AFP: variants seen among roughly 807,000 people sequenced by gnomAD.
AFP encodes alpha-fetoprotein.
A neutral mutation model predicts 78.9 loss-of-function variants in AFP; 64 were observed. The ratio of observed to expected loss-of-function variants is 0.81; its 90% CI spans 0.66 to 1.00. The LOEUF is 1.00. Ranked by LOEUF, AFP falls within the 50% of genes least tolerant of loss-of-function variation. The probability of loss-of-function intolerance (pLI) is 0.00; values close to 1 mark genes in which losing one functional copy is unlikely to be tolerated. For missense variants in AFP, 689 were observed against 703.8 expected, an observed-to-expected ratio of 0.98 and a Z score of 0.24; for synonymous variants, 254 against 243.8, an observed-to-expected ratio of 1.04 and a Z score of -0.39.
At chr4:73,438,022 G>C in intron 2 of AFP, 152 bp from the exon 3 acceptor site, 1 of 1,117,920 alleles carries the variant, frequency 8.9e-7, no homozygotes, top group Non-Finnish European at 1.3e-6. Context: ...CAGATGACCT[G>C]GAAGCTAATT....
chr4:73,444,082 G>C (rs927336423), intron 6 of AFP, among the ~76,000 whole-genome samples: 5 of 152,188 alleles, frequency 3.3e-5, no homozygotes, highest in Middle Eastern at 3.5e-3. Context: ...TTTGATTGCT[G>C]TTTGGTTAAA....
At chr4:73,450,533 T>G (rs757067689) in intron 10 of AFP, 82 bp from the exon 11 acceptor site, 3 of 1,594,914 alleles carry the variant, frequency 1.9e-6, no homozygotes, top group Non-Finnish European at 2.6e-6. Context: ...GGCATGAGAG[T>G]AGAGAGTCTG....
intron 10 of AFP, 88 bp from the exon 11 acceptor site, chr4:73,450,527 T>G: frequency 1.1e-4 from 175 of 1,584,712 alleles, no homozygotes; most frequent in Non-Finnish European, 1.4e-4. Context: ...TCTTCTGGCA[T>G]GAGAGTAGAG....
intron 5 of AFP, among the ~76,000 whole-genome samples, chr4:73,442,770 TGAA>T (rs71655749): frequency 0.46 from 69,730 of 151,328 alleles, 16,298 homozygotes; most frequent in Admixed American, 0.54. Context: ...AGAGAAAAAA[TGAA>T]GAACTATGAT....
At position 73,447,384 on chromosome 4, in the gene AFP, C is replaced by A. The variant is rs1024323006; in HGVS notation, c.844-78C>A. The A allele has an allele frequency of 4.4e-6, 5 of 1,131,980 alleles. No homozygotes were observed. The African/African-American group carries it at 8.0e-5, about 18-fold the overall frequency. 70.1% of individuals were successfully genotyped at this position (1,131,980 alleles called of 1,614,324 possible). On this transcript the variant is annotated intron_variant, in intron 7 of 14. Coordinates refer to ENST00000395792, the MANE Select transcript of AFP (RefSeq NM_001134.3). ...CCTTCTCCCTCCCTCCCCTTTCTTC[C>A]TTTTTCTAAAGCTGGCTTTGAGATC...
chr4:73,450,484 C>T (rs925883341), intron 10 of AFP, 131 bp from the exon 11 acceptor site: 6 of 1,340,548 alleles, frequency 4.5e-6, no homozygotes, highest in Non-Finnish European at 6.3e-6. Flanking sequence ...GGTTCAAATA[C>T]CATGTAGATG....
chr4:73,446,015 T>A (rs1274601408), intron 7 of AFP, among the ~76,000 whole-genome samples: 1 of 152,186 alleles, frequency 6.6e-6, no homozygotes, highest in Non-Finnish European at 1.5e-5. Context: ...TAACCAGCAC[T>A]GGACTATGGT....
intron 11 of AFP, 106 bp from the exon 12 acceptor site, chr4:73,452,295 A>G: frequency 2.3e-6 from 2 of 860,822 alleles, no homozygotes; most frequent in Admixed American, 2.0e-5. Context: ...TATTAATTAT[A>G]AATTGCTGGG....
At chr4:73,453,598 G>T in intron 12 of AFP, 167 bp from the exon 13 acceptor site, 1 of 751,106 alleles carries the variant, frequency 1.3e-6, no homozygotes, top group Non-Finnish European at 2.2e-6. Context: ...CATGCTTTCA[G>T]CCTCAATCTT....
chr4:73,442,856 A>G (rs1719710517), intron 5 of AFP, among the ~76,000 whole-genome samples: 3 of 152,160 alleles, frequency 2.0e-5, no homozygotes, highest in African/African-American at 7.2e-5. Context: ...TCCTTTAACA[A>G]ACTAGGAAAG....
chr4:73,455,343 C>A, intron 14 of AFP, 53 bp downstream of exon 14: 1 of 1,384,384 alleles, frequency 7.2e-7, no homozygotes, highest in Non-Finnish European at 1.0e-6. Flanking sequence ...CCAGAAATAT[C>A]AATCCATAAT....
intron 6 of AFP, 117 bp downstream of exon 6, chr4:73,443,561 C>G: frequency 2.6e-6 from 2 of 758,678 alleles, no homozygotes; most frequent in African/African-American, 1.7e-5. Flanking sequence ...TTTGTGACCC[C>G]TTTGATGAGG....
intron 3 of AFP, among the ~76,000 whole-genome samples, chr4:73,439,392 TTC>T (rs1169765913): frequency 6.6e-6 from 1 of 152,160 alleles, no homozygotes; most frequent in Non-Finnish European, 1.5e-5. Context: ...TGACAAAAAT[TTC>T]TGTTTTGCAT....
intron 3 of AFP, 82 bp downstream of exon 3, chr4:73,438,388 A>G: frequency 6.8e-7 from 1 of 1,471,388 alleles, no homozygotes; most frequent in South Asian, 1.2e-5. Context: ...AATAGCAGTG[A>G]AAAATGCATT....
At chr4:73,451,672 CA>C (rs1719997131) in intron 11 of AFP, among the ~76,000 whole-genome samples, 1 of 152,184 alleles carries the variant, frequency 6.6e-6, no homozygotes, top group Non-Finnish European at 1.5e-5. Flanking sequence ...AGTGGGAAAG[CA>C]ACTTATGTCA....
intron 9 of AFP, among the ~76,000 whole-genome samples, chr4:73,449,766 C>T (rs1212806492): frequency 6.6e-6 from 1 of 152,090 alleles, no homozygotes; most frequent in Non-Finnish European, 1.5e-5. Context: ...TGGATAACTT[C>T]AGAAAGGCAA....
chr4:73,455,648 C>T lies in AFP; in HGVS notation c.*28C>T, dbSNP rs72647039. 0.019 allele frequency: 13,147 copies of T among 695,180 alleles called. 176 individuals are homozygous for T. Among genetic ancestry groups the T allele is most frequent in the Middle Eastern group, 0.024 (103 of 4,332 alleles). The allele number at this position is 695,180 out of a possible 1,614,324, so 43.1% of individuals were successfully genotyped here. A position where few individuals can be genotyped will look rare whatever the true frequency, so the allele number is the denominator to read the frequency against. ...TATTGCAGGGGAAGAGAAGACAAAA[C>T]GAGTCTTTCATTCGGTGTGAACTTT... On this transcript the variant is annotated 3_prime_UTR_variant, in exon 15 of 15. Transcript: ENST00000395792.
chr4:73,449,518 T>C (rs1401348234), intron 9 of AFP, 51 bp downstream of exon 9: 6 of 1,604,248 alleles, frequency 3.7e-6, no homozygotes, highest in Non-Finnish European at 5.1e-6. Flanking sequence ...ATTGATATCA[T>C]CTGTTAAAAA....
chr4:73,447,672 G>T lies in AFP; in HGVS notation c.1054G>T (p.Ala352Ser), dbSNP rs376333213. The change falls in exon 8 of 15, where the codon GCA becomes TCA. Residue 352 changes from alanine to serine, a missense_variant. Transcript: ENST00000395792. ...FSSGEKNIFL[A>S]SFVHEYSRRH... ...TTCAGGGGAAAAAAATATCTTCTTG[G>T]CAAGGTAACACACTCTGTAAATGCA... is the stretch of plus-strand genomic sequence containing the variant. 2 of 1,606,262 alleles carry T rather than the reference G, an allele frequency of 1.2e-6. No homozygotes were observed. Among genetic ancestry groups the T allele is most frequent in the Non-Finnish European group, 1.7e-6 (2 of 1,174,998 alleles).
Sources: gnomAD v4.1 joint callset for allele counts (sites outside exome capture counted in the v4.1 genomes callset) on GRCh38, gnomAD v4.1.1 for gene constraint, MANE v1.5 for transcripts, NCBI Gene and HGNC (gene_info 2026-07-23, HGNC 2026-07-21) for gene names.